HDAC9: variants seen among roughly 807,000 people sequenced by gnomAD.
The protein encoded by HDAC9 is MEF-2 interacting transcription repressor (MITR) protein.
HDAC9 carries 41 observed loss-of-function variants against 139.4 expected under a neutral mutation model. The ratio of observed to expected loss-of-function variants is 0.29; its 90% CI spans 0.23 to 0.38. The LOEUF (loss-of-function observed/expected upper bound fraction) is 0.38. Ranked by LOEUF, HDAC9 falls within the 10% of genes least tolerant of loss-of-function variation. The pLI is 1.00. For missense variants in HDAC9, 1,147 were observed against 1,297.0 expected (o/e 0.88, Z 1.78); for synonymous variants, 517 against 476.2 (o/e 1.09, Z -1.12).
In HDAC9 at chr7:18,998,897, G is replaced by A. The variant is rs1786608874; in HGVS notation, c.*2835G>A. The A allele has an allele frequency of 6.6e-6, 1 of 152,010 alleles. No individual in the cohort carries two copies. Among genetic ancestry groups the A allele is most frequent in the Non-Finnish European group, 1.5e-5 (1 of 67,998 alleles). The allele number at this position is 152,010 out of a possible 1,614,324, so 9.4% of individuals were successfully genotyped here. Reference sequence around the variant, plus strand: ...TGTCAAACGTAGGTATAAAAAGAAGGCTTAAAAATTAATTTTCCCAATTGT... The same window carrying A: ...TGTCAAACGTAGGTATAAAAAGAAGACTTAAAAATTAATTTTCCCAATTGT... On this transcript the variant is annotated 3_prime_UTR_variant, in exon 26 of 26. Transcript: ENST00000686413.
At chr7:18,570,705 A>G (rs1448427115) in intron 2 of HDAC9, among the ~76,000 whole-genome samples, 1 of 152,142 alleles carries the variant, frequency 6.6e-6, no homozygotes, top group African/African-American at 2.4e-5. Flanking sequence ...GTAAGTAAGA[A>G]TCCCAAGCAC....
At chr7:18,605,331 C>T (rs1036261260) in intron 6 of HDAC9, among the ~76,000 whole-genome samples, 2 of 152,012 alleles carry the variant, frequency 1.3e-5, no homozygotes, top group African/African-American at 4.8e-5. Context: ...TGCTGTGATC[C>T]CTTGAACTAC....
At position 18,908,980 on chromosome 7, in the gene HDAC9, A is replaced by T. The variant is rs368653042; in HGVS notation, c.2804-26829A>T. Among the ~76,000 whole-genome samples, 17 of 152,240 alleles carry T rather than the reference A, an allele frequency of 1.1e-4. No homozygotes were observed. The East Asian group carries it at 2.3e-3, about 21-fold the overall frequency. On this transcript the variant is annotated intron_variant, in intron 22 of 25. Transcript: ENST00000686413. Reference sequence around the variant, plus strand: ...ATTTTTGGCTTTTTGAGGACCCTCCATACTGGCTGTACTAATTTATATTCC... The same window carrying T: ...ATTTTTGGCTTTTTGAGGACCCTCCTTACTGGCTGTACTAATTTATATTCC...
intron 22 of HDAC9, among the ~76,000 whole-genome samples, chr7:18,904,537 A>G (rs1245408754): frequency 6.6e-6 from 1 of 150,836 alleles, no homozygotes; most frequent in Non-Finnish European, 1.5e-5. Flanking sequence ...GATCCTCAGC[A>G]TAAGTTAATG....
At position 18,933,535 on chromosome 7, in the gene HDAC9, G is replaced by T. The variant is rs547114259; in HGVS notation, c.2804-2274G>T. 4.6e-5 allele frequency among the ~76,000 whole-genome samples: 7 copies of T among 151,174 alleles called. No homozygotes were observed. In the South Asian group the frequency reaches 1.5e-3, roughly 31 times the overall value. On this transcript the variant is annotated intron_variant, in intron 22 of 25. Coordinates refer to ENST00000686413, the MANE Select transcript of HDAC9 (RefSeq NM_178425.4). ...TAGAATTTCCATATATAAATTTTGGGGTGTAGTCACATTCAGTCCATTGCA... is the reference window on the plus strand; with the variant it reads ...TAGAATTTCCATATATAAATTTTGGTGTGTAGTCACATTCAGTCCATTGCA...
intron 21 of HDAC9, among the ~76,000 whole-genome samples, chr7:18,859,070 G>A (rs1797898683): frequency 6.6e-6 from 1 of 152,110 alleles, no homozygotes; most frequent in Non-Finnish European, 1.5e-5. Flanking sequence ...AAGTCAGTCA[G>A]TTATTTGCTG....
intron 17 of HDAC9, among the ~76,000 whole-genome samples, chr7:18,797,713 C>A (rs1023277659): frequency 6.6e-6 from 1 of 151,870 alleles, no homozygotes; most frequent in African/African-American, 2.4e-5. Context: ...CCTGTAATCC[C>A]AGCTATGTGG....
At chr7:18,649,339 G>A (rs1222973308) in intron 11 of HDAC9, among the ~76,000 whole-genome samples, 7 of 152,016 alleles carry the variant, frequency 4.6e-5, no homozygotes, top group African/African-American at 1.2e-4. Context: ...CTATGAATTC[G>A]TAAGCAAAAT....
intron 2 of HDAC9, among the ~76,000 whole-genome samples, chr7:18,517,138 A>G (rs1212175180): frequency 1.3e-5 from 2 of 152,106 alleles, no homozygotes; most frequent in Admixed American, 6.6e-5. Flanking sequence ...TCACACATTG[A>G]CAGATTTACT....
chr7:18,730,719 C>T (rs945484340), intron 13 of HDAC9, among the ~76,000 whole-genome samples: 3 of 152,304 alleles, frequency 2.0e-5, no homozygotes, highest in Non-Finnish European at 2.9e-5. Flanking sequence ...AAAACAATCA[C>T]AAATTTCTTT....
At chr7:18,257,204 G>A (rs953961997) in intron 2 of HDAC9, among the ~76,000 whole-genome samples, 1 of 151,218 alleles carries the variant, frequency 6.6e-6, no homozygotes, top group African/African-American at 2.4e-5. Context: ...GTCAGGTGTG[G>A]TGGTTCACAC....
At chr7:18,600,563 C>T (rs535907093) in intron 6 of HDAC9, among the ~76,000 whole-genome samples, 4 of 152,250 alleles carry the variant, frequency 2.6e-5, no homozygotes, top group Admixed American at 2.0e-4. Flanking sequence ...AAAGAATTGC[C>T]TTAGCTCCTT....
intron 1 of HDAC9, among the ~76,000 whole-genome samples, chr7:18,368,334 C>T (rs1784341267): frequency 6.6e-6 from 1 of 151,934 alleles, no homozygotes; most frequent in Admixed American, 6.6e-5. Context: ...GTATGAGGTG[C>T]AGATCCAGTT....
At chr7:18,097,750 T>A (rs1782603179) in intron 1 of HDAC9, among the ~76,000 whole-genome samples, 1 of 152,100 alleles carries the variant, frequency 6.6e-6, no homozygotes, top group Admixed American at 6.5e-5. Context: ...TATTAGATTT[T>A]TTCTTTTTTA....
chr7:18,498,365 A>G (rs898026826), intron 2 of HDAC9, among the ~76,000 whole-genome samples: 3 of 152,080 alleles, frequency 2.0e-5, no homozygotes, highest in African/African-American at 4.8e-5. Flanking sequence ...TTTAATTGGT[A>G]TGGGGAACAG....
intron 1 of HDAC9, among the ~76,000 whole-genome samples, chr7:18,465,041 T>C (rs1386399127): frequency 6.6e-6 from 1 of 152,124 alleles, no homozygotes; most frequent in East Asian, 1.9e-4. Context: ...TAGCTTGATG[T>C]CTTTCATCAG....
chr7:18,659,205 G>A (rs1316302512), intron 11 of HDAC9, among the ~76,000 whole-genome samples: 4 of 152,124 alleles, frequency 2.6e-5, no homozygotes, highest in African/African-American at 9.7e-5. Flanking sequence ...TAGAATTTAA[G>A]CATATTTTAT....
In HDAC9 at chr7:18,921,103, C is replaced by A. The variant is rs533521045; in HGVS notation, c.2804-14706C>A. Among the ~76,000 whole-genome samples, 52 of 152,082 alleles carry A rather than the reference C, an allele frequency of 3.4e-4. No individual in the cohort carries two copies. The South Asian group carries it at 6.6e-3, about 19-fold the overall frequency. ...CAATTCAAGATGGATTAAAGACTTA[C>A]ATGTTAGACCTAAAACCATAAAAAC... On this transcript the variant is annotated intron_variant, in intron 22 of 25. Coordinates refer to ENST00000686413, the MANE Select transcript of HDAC9 (RefSeq NM_178425.4).
intron 2 of HDAC9, among the ~76,000 whole-genome samples, chr7:18,230,495 T>C (rs535113691): frequency 4.6e-5 from 7 of 152,316 alleles, no homozygotes; most frequent in South Asian, 2.1e-4. Context: ...AAATTCCTCT[T>C]TGTTCTCAGC....
Sources: gnomAD v4.1 joint callset for allele counts (sites outside exome capture counted in the v4.1 genomes callset) on GRCh38, gnomAD v4.1.1 for gene constraint, MANE v1.5 for transcripts, NCBI Gene and HGNC (gene_info 2026-07-23, HGNC 2026-07-21) for gene names.